MED12L: variants seen among roughly 807,000 people sequenced by gnomAD.
MED12L encodes mediator of RNA polymerase II transcription subunit 12-like protein.
MED12L carries 60 observed loss-of-function variants against 281.3 expected under a neutral mutation model. The ratio of observed to expected loss-of-function variants is 0.21; its 90% CI spans 0.17 to 0.26. The LOEUF is 0.26. MED12L is among the 10% of genes least tolerant of loss of function. The pLI, the probability that MED12L is intolerant of heterozygous loss-of-function variation, is 1.00. For missense variants in MED12L, 2,146 were observed against 2,680.9 expected (o/e 0.80, Z 4.41); for synonymous variants, 974 against 987.2 (o/e 0.99, Z 0.25).
intron 16 of MED12L, among the ~76,000 whole-genome samples, chr3:151,194,714 G>A (rs1258286568): frequency 2.6e-5 from 4 of 152,130 alleles, no homozygotes; most frequent in Non-Finnish European, 5.9e-5. Flanking sequence ...ATTCTAAAGT[G>A]TAACAAAATT....
intron 16 of MED12L, among the ~76,000 whole-genome samples, chr3:151,303,969 T>C (rs887238570): frequency 3.3e-5 from 5 of 152,164 alleles, no homozygotes; most frequent in Non-Finnish European, 7.3e-5. Flanking sequence ...TGACTAGTTT[T>C]ATCCTGTGGG....
chr3:151,093,973 A>G (rs554060405), intron 2 of MED12L, among the ~76,000 whole-genome samples: 1 of 152,308 alleles, frequency 6.6e-6, no homozygotes, highest in South Asian at 2.1e-4. Flanking sequence ...AGGACCACAC[A>G]ATGAGATCTG....
chr3:151,373,893 G>T (rs898615135), intron 27 of MED12L, among the ~76,000 whole-genome samples: 1 of 151,954 alleles, frequency 6.6e-6, no homozygotes, highest in African/African-American at 2.4e-5. Flanking sequence ...CCAAGATCTG[G>T]GTATTATGTA....
chr3:151,129,344 G>T (rs1206431989), intron 5 of MED12L, among the ~76,000 whole-genome samples: 1 of 152,066 alleles, frequency 6.6e-6, no homozygotes, highest in African/African-American at 2.4e-5. Context: ...CGTGTTAAAA[G>T]AAATAAGCAA....
At chr3:151,126,489 C>G (rs985624604) in intron 4 of MED12L, among the ~76,000 whole-genome samples, 1 of 152,138 alleles carries the variant, frequency 6.6e-6, no homozygotes, top group Non-Finnish European at 1.5e-5. Context: ...AAGAATTATT[C>G]TAGGATCACA....
intron 44 of MED12L, 103 bp downstream of exon 44, chr3:151,430,483 C>A: frequency 6.5e-7 from 1 of 1,540,022 alleles, no homozygotes. Context: ...CCATCTTCCT[C>A]AGTACAATGT....
intron 40 of MED12L, among the ~76,000 whole-genome samples, chr3:151,410,623 G>T (rs1276931479): frequency 6.6e-6 from 1 of 152,196 alleles, no homozygotes; most frequent in African/African-American, 2.4e-5. Context: ...CTAGGTACTT[G>T]TATATTAATA....
chr3:151,147,937 A>G (rs1260082212), intron 5 of MED12L, among the ~76,000 whole-genome samples: 1 of 152,166 alleles, frequency 6.6e-6, no homozygotes, highest in Non-Finnish European at 1.5e-5. Context: ...CTTTTGTGGA[A>G]CTATCCTACT....
intron 32 of MED12L, among the ~76,000 whole-genome samples, chr3:151,381,244 A>G (rs889148937): frequency 6.6e-6 from 1 of 152,224 alleles, no homozygotes; most frequent in Non-Finnish European, 1.5e-5. Flanking sequence ...TACTAGATGG[A>G]CATGGACAAG....
rs6765268 is a variant in MED12L, at chr3:151,428,090, C to T, written c.6409-2209C>T. On this transcript the variant is annotated intron_variant, in intron 43 of 44. Transcript: ENST00000687756. ...ATGTAATATGCTTGATTATGGAGTG[C>T]TGTCCTACATTTTGCCTGGTCTGCA... Among the ~76,000 whole-genome samples, 1,085 of 152,304 alleles carry T rather than the reference C, an allele frequency of 7.1e-3. 13 individuals carry two copies. The highest frequency in any genetic ancestry group is 0.011 in the Non-Finnish European group (753 of 68,032).
At chr3:151,328,494 G>A (rs1243122579) in intron 16 of MED12L, 5 of 1,613,876 alleles carry the variant, frequency 3.1e-6, no homozygotes, top group African/African-American at 1.3e-5. Context: ...ACAGACGATG[G>A]TGTTGCTTCC....
chr3:151,183,124 C>T (rs1239183564), intron 11 of MED12L, among the ~76,000 whole-genome samples: 1 of 151,806 alleles, frequency 6.6e-6, no homozygotes, highest in Non-Finnish European at 1.5e-5. Flanking sequence ...CATTTTTTTC[C>T]CCAAAACAAA....
chr3:151,388,196 C>CCTTGG (rs780147174), intron 37 of MED12L, 24 bp downstream of exon 37: 3 of 1,567,730 alleles, frequency 1.9e-6, no homozygotes, highest in Non-Finnish European at 2.6e-6. Flanking sequence ...GGAAGGAGAA[C>CCTTGG]CTTGGCTCAT....
intron 44 of MED12L, 106 bp from the exon 45 acceptor site, chr3:151,432,646 T>G (rs1429760658): frequency 1.2e-6 from 1 of 816,258 alleles, no homozygotes; most frequent in African/African-American, 1.7e-5. Context: ...GCCATTCTGT[T>G]TCCCTGTACC....
chr3:151,343,771 A>T (rs966012121), intron 16 of MED12L, among the ~76,000 whole-genome samples: 15 of 152,024 alleles, frequency 9.9e-5, no homozygotes, highest in African/African-American at 3.6e-4. Context: ...TGTTTATTTT[A>T]CCAAGTCTAC....
chr3:151,230,776 G>C (rs1034033292), intron 16 of MED12L, among the ~76,000 whole-genome samples: 2 of 152,096 alleles, frequency 1.3e-5, no homozygotes, highest in African/African-American at 4.8e-5. Flanking sequence ...CTGTAAACTT[G>C]CTCAAGCCAT....
At chr3:151,389,711 T>A (rs776892741) in intron 37 of MED12L, among the ~76,000 whole-genome samples, 22 of 152,192 alleles carry the variant, frequency 1.4e-4, no homozygotes, top group Non-Finnish European at 2.4e-4. Context: ...CTGACACACT[T>A]GTAGTCTTTT....
intron 44 of MED12L, 138 bp downstream of exon 44, chr3:151,430,518 G>T: frequency 7.5e-7 from 1 of 1,337,146 alleles, no homozygotes; most frequent in Non-Finnish European, 9.8e-7. Context: ...TTAGCCCAAG[G>T]TATTTTCATT....
chr3:151,305,589 A>G (rs1746531108), intron 16 of MED12L, among the ~76,000 whole-genome samples: 1 of 152,168 alleles, frequency 6.6e-6, no homozygotes, highest in Non-Finnish European at 1.5e-5. Flanking sequence ...AGATTCAGAC[A>G]GTTTAATTAA....
Sources: allele counts gnomAD v4.1 joint callset (sites outside exome capture counted in the v4.1 genomes callset), GRCh38; gene constraint gnomAD v4.1.1; transcripts MANE v1.5; gene names NCBI Gene and HGNC (gene_info 2026-07-23, HGNC 2026-07-21).